UQCRC2: variants seen among roughly 807,000 people sequenced by gnomAD.
The protein encoded by UQCRC2 is cytochrome b-c1 complex subunit 2, mitochondrial.
UQCRC2 carries 49 observed loss-of-function variants against 55.6 expected under a neutral mutation model. The ratio of observed to expected loss-of-function variants is 0.88; its 90% CI spans 0.70 to 1.12. The LOEUF (loss-of-function observed/expected upper bound fraction) is 1.12. Among genes scored for constraint, UQCRC2 ranks in the 50% most tolerant of loss-of-function variants. The pLI is 0.00. For synonymous variants in UQCRC2, 193 were observed against 192.0 expected, an observed-to-expected ratio of 1.01 and a Z score of -0.04; for missense variants, 506 against 547.8, an observed-to-expected ratio of 0.92 and a Z score of 0.76.
At chr16:21,980,378 G>A in intron 12 of UQCRC2, 169 bp from the exon 13 acceptor site, 2 of 720,910 alleles carry the variant, frequency 2.8e-6, no homozygotes, top group Non-Finnish European at 4.5e-6. Context: ...GTTTTAGTAT[G>A]TTCCAGAGAA....
chr16:21,983,318 G>T lies in UQCRC2; in HGVS notation c.*147G>T. 1 of 641,974 alleles carries T rather than the reference G, an allele frequency of 1.6e-6. No individual in the cohort carries two copies. The highest frequency in any genetic ancestry group is 2.3e-5 in the South Asian group (1 of 42,902). 39.8% of individuals were successfully genotyped at this position (641,974 alleles called of 1,614,324 possible). A position where few individuals can be genotyped will look rare whatever the true frequency, so the allele number is the denominator to read the frequency against. On this transcript the variant is annotated 3_prime_UTR_variant, in exon 14 of 14. Transcript: ENST00000268379. ...TAAATGCAGGTAATTATTCCCAGCT[G>T]ACCTAAAGTCAATAAAACATTCTGT...
At chr16:21,978,182 A>C (rs914244737) in intron 12 of UQCRC2, among the ~76,000 whole-genome samples, 5 of 152,186 alleles carry the variant, frequency 3.3e-5, no homozygotes, top group Admixed American at 6.5e-5. Flanking sequence ...TTCTTCCTGT[A>C]GTGAAAGAGA....
At chr16:21,975,234 G>T (rs1166307366) in intron 11 of UQCRC2, among the ~76,000 whole-genome samples, 2 of 152,170 alleles carry the variant, frequency 1.3e-5, no homozygotes, top group African/African-American at 4.8e-5. Flanking sequence ...CAGGGATCTA[G>T]GCTCAATAGA....
At chr16:21,954,294 TA>T (rs771453899) in intron 1 of UQCRC2, among the ~76,000 whole-genome samples, 34 of 152,294 alleles carry the variant, frequency 2.2e-4, no homozygotes, top group South Asian at 1.2e-3. Context: ...AGCAAAGAAT[TA>T]TCTAGCCCCA....
At chr16:21,980,075 T>G (rs1192770153) in intron 12 of UQCRC2, among the ~76,000 whole-genome samples, 1 of 152,220 alleles carries the variant, frequency 6.6e-6, no homozygotes, top group African/African-American at 2.4e-5. Flanking sequence ...GTTAGGTGTA[T>G]TAAATGCACT....
intron 6 of UQCRC2, among the ~76,000 whole-genome samples, chr16:21,963,383 A>G (rs562711124): frequency 1.3e-5 from 2 of 152,272 alleles, no homozygotes; most frequent in African/African-American, 4.8e-5. Flanking sequence ...AACATTTATA[A>G]TCATTTTTCA....
chr16:21,965,070 G>A (rs980867637), intron 6 of UQCRC2, among the ~76,000 whole-genome samples: 25 of 149,842 alleles, frequency 1.7e-4, no homozygotes, highest in African/African-American at 5.6e-4. Flanking sequence ...CACATGGCAA[G>A]ATGGCGGCAG....
chr16:21,960,935 A>T (rs1898184807), intron 4 of UQCRC2, among the ~76,000 whole-genome samples: 1 of 151,996 alleles, frequency 6.6e-6, no homozygotes, highest in Non-Finnish European at 1.5e-5. Context: ...GGCCCAAGCG[A>T]TTCTTCTCCC....
intron 7 of UQCRC2, among the ~76,000 whole-genome samples, chr16:21,965,776 C>CA (rs762563553): frequency 1.6e-4 from 25 of 152,164 alleles, no homozygotes; most frequent in Non-Finnish European, 2.6e-4. Context: ...GAAAACATCT[C>CA]ACATACCTAA....
At chr16:21,965,618 A>G in intron 7 of UQCRC2, 113 bp downstream of exon 7, 2 of 878,682 alleles carry the variant, frequency 2.3e-6, no homozygotes, top group Non-Finnish European at 3.2e-6. Flanking sequence ...TAAGAAATTC[A>G]GCGTGCTAGC....
At position 21,953,497 on chromosome 16, in the gene UQCRC2, G is replaced by C. The variant is rs753550450; in HGVS notation, c.33+41G>C. The stretch of plus-strand genomic sequence containing the variant: ...GGGTTTGGGAAAGGGCTGGGGAGCA[G>C]TGTGTCGACAAGGTGATACGAGGCG... On this transcript the variant is annotated intron_variant, in intron 1 of 13. Coordinates refer to ENST00000268379, the MANE Select transcript of UQCRC2 (RefSeq NM_003366.4). 17 of 1,607,452 alleles carry C rather than the reference G, an allele frequency of 1.1e-5. No homozygotes were observed. The South Asian group carries it at 1.8e-4, about 17-fold the overall frequency.
intron 6 of UQCRC2, chr16:21,963,333 C>A (rs896915285): frequency 6.6e-6 from 1 of 152,278 alleles, no homozygotes; most frequent in African/African-American, 2.4e-5. Flanking sequence ...ATATCTTTTT[C>A]AAAAATTTGT....
In UQCRC2 at chr16:21,962,774, GAGTTCCTGCTC is replaced by G. The variant is rs1171527591; in HGVS notation, c.405_415del (p.Phe136CysfsTer14). 6.2e-7 allele frequency: 1 copy of G among 1,614,020 alleles called. No homozygotes were observed. Among genetic ancestry groups the G allele is most frequent in the South Asian group, 1.1e-5 (1 of 91,066 alleles). ...TGTCTTCTGTAGTGATATTCTAATG[GAGTTCCTGCTC>G]AATGTCACCACAGCACCAGAATTTC... On this transcript the variant is annotated frameshift_variant, in exon 6 of 14. Coordinates refer to ENST00000268379, the MANE Select transcript of UQCRC2 (RefSeq NM_003366.4). LOFTEE classifies it high-confidence loss of function.
In UQCRC2 at chr16:21,968,694, A is replaced by C; in HGVS notation, c.670+9A>C. On this transcript the variant is annotated intron_variant, in intron 8 of 13. Coordinates refer to ENST00000268379, the MANE Select transcript of UQCRC2 (RefSeq NM_003366.4). ...GGCTTTGATTGGACTTGGTAAGTTT[A>C]GAGTATTGCCTGCCTGTCAGTTTGC... The C allele has an allele frequency of 6.2e-7, 1 of 1,604,438 alleles. No homozygotes were observed. Among genetic ancestry groups the C allele is most frequent in the East Asian group, 2.3e-5 (1 of 44,390 alleles).
rs565248831 is a variant in UQCRC2 at position 21,957,283 on chromosome 16, C to A, written c.82C>A (p.Pro28Thr). Residue 28 changes from proline (P) to threonine (T), a missense_variant, in exon 2 of 14, where the codon CCT (proline) becomes ACT (threonine). Transcript: ENST00000268379. The part of the protein sequence containing the change: ...VAPKVKATAA[P>T]AGAPPQPQDL... The stretch of plus-strand genomic sequence containing the variant: ...CCCCAAAGTTAAAGCCACAGCTGCG[C>A]CTGCAGGAGCACCGCCACAACCTCA... The A allele has an allele frequency of 6.2e-7, 1 of 1,613,962 alleles. No individual in the cohort carries two copies. Among genetic ancestry groups the A allele is most frequent in the African/African-American group, 1.3e-5 (1 of 74,996 alleles).
chr16:21,976,110 T>C, intron 11 of UQCRC2, 57 bp from the exon 12 acceptor site: 2 of 1,225,000 alleles, frequency 1.6e-6, no homozygotes, highest in South Asian at 2.5e-5. Flanking sequence ...AGTGTGTCAG[T>C]GCTGCAGGAG....
chr16:21,959,492 A>G (rs1597951504), intron 4 of UQCRC2: 1 of 156,788 alleles, frequency 6.4e-6, no homozygotes, highest in African/African-American at 2.4e-5. Context: ...TTCTCTTGCT[A>G]CTCCCACCAT....
intron 5 of UQCRC2, 50 bp from the exon 6 acceptor site, chr16:21,962,711 G>A: frequency 6.2e-7 from 1 of 1,612,046 alleles, no homozygotes; most frequent in Non-Finnish European, 8.5e-7. Context: ...AATCTCAAAT[G>A]TTGGCTTTAC....
At position 21,962,491 on chromosome 16, in the gene UQCRC2, A is replaced by G. The variant is rs745667374; in HGVS notation, c.364A>G (p.Thr122Ala). 1 of 1,614,122 alleles carries G rather than the reference A, an allele frequency of 6.2e-7. No homozygotes were observed. The highest frequency in any genetic ancestry group is 2.2e-5 in the East Asian group (1 of 44,890). The stretch of plus-strand genomic sequence containing the variant: ...CGCAACAAGGGAAAACATGGCTTAT[A>G]CTGTGGAATGCCTGCGGGGTGATGT... ...VTATRENMAY[T>A]VECLRGDVDI... Residue 122 changes from threonine to alanine, a missense_variant, in exon 5 of 14, where the codon ACT (threonine) becomes GCT (alanine). Coordinates refer to ENST00000268379, the MANE Select transcript of UQCRC2 (RefSeq NM_003366.4).
Sources: gnomAD v4.1 joint callset for allele counts (sites outside exome capture counted in the v4.1 genomes callset) on GRCh38, gnomAD v4.1.1 for gene constraint, MANE v1.5 for transcripts, NCBI Gene and HGNC (gene_info 2026-07-23, HGNC 2026-07-21) for gene names.